FMN2: variants seen among roughly 807,000 people sequenced by gnomAD.
The protein encoded by FMN2 is formin 2.
In FMN2, 51 loss-of-function variants were observed where a neutral mutation model predicts 142.3. The observed-to-expected ratio is 0.36, with a 90% CI of 0.29 to 0.45. The LOEUF is 0.45. Ranked by LOEUF, FMN2 falls within the 20% of genes least tolerant of loss-of-function variation. The pLI is 1.00. For missense variants in FMN2, 1,936 were observed against 2,122.8 expected, an observed-to-expected ratio of 0.91 and a Z score of 1.73; for synonymous variants, 882 against 869.8, an observed-to-expected ratio of 1.01 and a Z score of -0.25.
intron 2 of FMN2, among the ~76,000 whole-genome samples, chr1:240,159,913 A>ATATATATATATATCTGTG (rs1664195749): frequency 2.0e-5 from 2 of 97,840 alleles, no homozygotes; most frequent in Middle Eastern, 4.2e-3. Context: ...GTGTATATAT[A>ATATATATATATATCTGTG]TATATATATA....
chr1:240,218,298 A>G (rs1666981734), intron 6 of FMN2, among the ~76,000 whole-genome samples: 1 of 150,820 alleles, frequency 6.6e-6, no homozygotes, highest in South Asian at 2.1e-4. Flanking sequence ...AAAAAAAAAA[A>G]AAAAAAAAAG....
At chr1:240,382,082 A>T (rs1673244091) in intron 14 of FMN2, among the ~76,000 whole-genome samples, 1 of 152,194 alleles carries the variant, frequency 6.6e-6, no homozygotes, top group South Asian at 2.1e-4. Context: ...AACCCTAAAG[A>T]TCCCTCCAAA....
At chr1:240,455,563 A>C (rs1676211164) in intron 16 of FMN2, among the ~76,000 whole-genome samples, 1 of 152,180 alleles carries the variant, frequency 6.6e-6, no homozygotes, top group African/African-American at 2.4e-5. Flanking sequence ...TATTACTACC[A>C]GCTACTTAGG....
At chr1:240,451,044 G>T (rs1676018918) in intron 16 of FMN2, among the ~76,000 whole-genome samples, 4 of 152,130 alleles carry the variant, frequency 2.6e-5, no homozygotes, top group Admixed American at 2.0e-4. Flanking sequence ...AAGTTGTCTG[G>T]TTTTTTGTAA....
intron 2 of FMN2, among the ~76,000 whole-genome samples, chr1:240,139,520 AAT>A (rs1270633930): frequency 6.6e-6 from 1 of 151,810 alleles, no homozygotes; most frequent in Non-Finnish European, 1.5e-5. Flanking sequence ...CGTATAGATA[AAT>A]ACTTACCCAA....
At chr1:240,455,648 G>A (rs769164185) in intron 16 of FMN2, among the ~76,000 whole-genome samples, 9 of 151,840 alleles carry the variant, frequency 5.9e-5, no homozygotes, top group East Asian at 3.9e-4. Context: ...ACTGTACTCT[G>A]GCCTAGGCAA....
At chr1:240,312,857 G>A (rs1670641607) in intron 8 of FMN2, among the ~76,000 whole-genome samples, 2 of 152,074 alleles carry the variant, frequency 1.3e-5, no homozygotes, top group Admixed American at 1.3e-4. Context: ...TGATCAGATC[G>A]CTGCCCTACA....
intron 14 of FMN2, among the ~76,000 whole-genome samples, chr1:240,374,965 G>C (rs1672995684): frequency 6.6e-6 from 1 of 152,178 alleles, no homozygotes; most frequent in South Asian, 2.1e-4. Flanking sequence ...TAATTGTAGG[G>C]TTATTAACTG....
chr1:240,099,163 G>A lies in FMN2; in HGVS notation c.1615+5439G>A, dbSNP rs6688530. On this transcript the variant is annotated intron_variant, in intron 1 of 17. Transcript: ENST00000319653. Reference sequence around the variant, plus strand: ...GAGAGGCACTTAACTGGGGCTATTTGCTCTCCTGACTGGATTTATTATCTT... The same window carrying A: ...GAGAGGCACTTAACTGGGGCTATTTACTCTCCTGACTGGATTTATTATCTT... 6.0e-3 allele frequency among the ~76,000 whole-genome samples: 908 copies of A among 151,948 alleles called. 3 individuals are homozygous for A. The highest frequency in any genetic ancestry group is 0.032 in the South Asian group (152 of 4,804).
chr1:240,132,656 C>T (rs1662786056), intron 2 of FMN2, among the ~76,000 whole-genome samples: 1 of 152,048 alleles, frequency 6.6e-6, no homozygotes, highest in Admixed American at 6.5e-5. Context: ...GGAGGTTTGT[C>T]AGGGTCTGTG....
At chr1:240,208,820 T>C in intron 5 of FMN2, 88 bp downstream of exon 5, 2 of 1,475,608 alleles carry the variant, frequency 1.4e-6, no homozygotes, top group East Asian at 2.3e-5. Context: ...TACTGTTGAA[T>C]GTATTTTTAA....
intron 3 of FMN2, among the ~76,000 whole-genome samples, chr1:240,185,448 A>G (rs1665401282): frequency 6.6e-6 from 1 of 152,214 alleles, no homozygotes; most frequent in Admixed American, 6.5e-5. Flanking sequence ...ACAAATAAAA[A>G]CTATAATGAA....
intron 2 of FMN2, among the ~76,000 whole-genome samples, chr1:240,173,902 GAT>G (rs1664807591): frequency 6.6e-6 from 1 of 152,166 alleles, no homozygotes; most frequent in African/African-American, 2.4e-5. Flanking sequence ...AACTCAGTGA[GAT>G]AGTTTATCCC....
intron 4 of FMN2, among the ~76,000 whole-genome samples, chr1:240,201,024 T>C (rs1666103267): frequency 6.6e-6 from 1 of 152,236 alleles, no homozygotes; most frequent in Non-Finnish European, 1.5e-5. Flanking sequence ...TGGTTCTTAT[T>C]GTATCTTACA....
chr1:240,429,584 C>A lies in FMN2; in HGVS notation c.4911-8477C>A, dbSNP rs533262579. Among the ~76,000 whole-genome samples, 8 of 152,306 alleles carry A rather than the reference C, an allele frequency of 5.3e-5. No homozygotes were observed. In the South Asian group the frequency reaches 1.2e-3, roughly 24 times the overall value. On this transcript the variant is annotated intron_variant, in intron 15 of 17. Transcript: ENST00000319653. ...TGTTTCCCAATGTATTTACTTCACA[C>A]TTCTCTGAAGAGGTGATCATTGTTC...
intron 6 of FMN2, among the ~76,000 whole-genome samples, chr1:240,224,093 C>G (rs766710569): frequency 8.5e-5 from 13 of 152,140 alleles, no homozygotes; most frequent in Non-Finnish European, 1.6e-4. Flanking sequence ...GATTTTAGAT[C>G]TTTCCTGCTT....
At chr1:240,198,499 A>G (rs902675226) in intron 4 of FMN2, among the ~76,000 whole-genome samples, 1 of 152,176 alleles carries the variant, frequency 6.6e-6, no homozygotes, top group Non-Finnish European at 1.5e-5. Flanking sequence ...AAATATTATA[A>G]TTTCCATAAT....
At chr1:240,368,625 T>TTATG (rs1672759688) in intron 14 of FMN2, among the ~76,000 whole-genome samples, 2 of 152,170 alleles carry the variant, frequency 1.3e-5, no homozygotes, top group South Asian at 2.1e-4. Flanking sequence ...AATGACAGTT[T>TTATG]TATGTATGTA....
chr1:240,235,598 T>C (rs1667684175), intron 6 of FMN2, among the ~76,000 whole-genome samples: 1 of 152,058 alleles, frequency 6.6e-6, no homozygotes, highest in Non-Finnish European at 1.5e-5. Context: ...TTTTATTATT[T>C]TTTTTAGAAA....
Sources: allele counts gnomAD v4.1 joint callset (sites outside exome capture counted in the v4.1 genomes callset), GRCh38; gene constraint gnomAD v4.1.1; transcripts MANE v1.5; gene names NCBI Gene and HGNC (gene_info 2026-07-23, HGNC 2026-07-21).